The following TRPM5 variants were observed in gnomAD, a reference collection of about 807,000 sequenced individuals.
TRPM5 encodes the protein transient receptor potential cation channel subfamily M member 5, also known as MLSN1 and TRP-related.
TRPM5 carries 121 observed loss-of-function variants against 124.9 expected under a neutral mutation model. The observed-to-expected ratio is 0.97, with a 90% CI of 0.84 to 1.13. TRPM5 has a LOEUF of 1.13. Ranked by LOEUF, TRPM5 falls within the 50% of genes most tolerant of loss-of-function variation. TRPM5 has a pLI of 0.00. For synonymous variants in TRPM5, 781 were observed against 700.5 expected (o/e 1.11, Z -1.81); for missense variants, 1,643 against 1,589.1 (o/e 1.03, Z -0.58).
intron 2 of TRPM5, 38 bp from the exon 8 acceptor site, chr11:2,421,236 C>T (rs1285137919): frequency 1.3e-6 from 2 of 1,516,894 alleles, no homozygotes; most frequent in African/African-American, 2.8e-5. Context: ...TGCCGCACGC[C>T]CCAGGTCTTC....
At chr11:2,412,150 A>G (rs1850465960) in exon 16 of TRPM5, 21 of 1,613,274 alleles carry the variant, frequency 1.3e-5, no homozygotes, top group Non-Finnish European at 1.7e-5. Context: ...GGTGACACCC[A>G]CGATGAACAG....
chr11:2,423,144 T>A, upstream of TRPM5: 2 of 881,054 alleles, frequency 2.3e-6, no homozygotes, highest in Non-Finnish European at 3.5e-6. Flanking sequence ...GGGAAGCCCC[T>A]CTCCAGCCAA....
the TRPM5 span, among the ~76,000 whole-genome samples, chr11:2,430,658 AGT>A: frequency 9.3e-6 from 1 of 107,462 alleles, no homozygotes; most frequent in South Asian, 3.0e-4. Context: ...TGATGGTGAC[AGT>A]GTTGATGGTG....
Position 2,404,962 on chromosome 11 carries a change from GC to G in TRPM5, c.3472del (p.Ala1158LeufsTer84), listed in dbSNP as rs1418926593. 6.2e-7 allele frequency: 1 copy of G among 1,612,504 alleles called. No homozygotes were observed. The highest frequency in any genetic ancestry group is 1.7e-5 in the Admixed American group (1 of 60,014). ...TCAGGTGTCCGAGGGAGGCTGGCCA[GC>G]CCCGGGTTGTTCCCAGCCATCTAAA... On this transcript the variant is annotated frameshift_variant, in exon 24 of 24. Transcript: ENST00000155858. LOFTEE classifies it high-confidence loss of function.
chr11:2,420,008 C>T (rs1454678012), intron 4 of TRPM5, among the ~76,000 whole-genome samples: 1 of 152,206 alleles, frequency 6.6e-6, no homozygotes, highest in Non-Finnish European at 1.5e-5. Context: ...TCCAGCTGTG[C>T]CTCCTTCACC....
chr11:2,405,708 CCTCT>C (rs768809237), intron 22 of TRPM5, 115 bp from the exon 28 acceptor site: 4 of 1,158,332 alleles, frequency 3.5e-6, no homozygotes, highest in African/African-American at 1.5e-5. Context: ...GTGACTCCTC[CCTCT>C]GAGAGCTGCC....
chr11:2,426,931 C>T (rs1199709065), upstream of TRPM5, among the ~76,000 whole-genome samples: 1 of 152,188 alleles, frequency 6.6e-6, no homozygotes, highest in Non-Finnish European at 1.5e-5. Context: ...ACCTGGTGAC[C>T]CCAGACCCCT....
chr11:2,410,975 C>T (rs1365185721), intron 18 of TRPM5, among the ~76,000 whole-genome samples: 2 of 152,114 alleles, frequency 1.3e-5, no homozygotes, highest in Non-Finnish European at 2.9e-5. Flanking sequence ...GCCTTTGGGC[C>T]CACTCTGTGC....
At chr11:2,420,648 G>A (rs1255018870) in intron 3 of TRPM5, among the ~76,000 whole-genome samples, 1 of 152,206 alleles carries the variant, frequency 6.6e-6, no homozygotes, top group Non-Finnish European at 1.5e-5. Flanking sequence ...ACAGAACCAT[G>A]GAGACAGCCC....
At chr11:2,411,875 T>A (rs1850459763) in intron 16 of TRPM5, 108 bp from the exon 22 acceptor site, 6 of 1,389,616 alleles carry the variant, frequency 4.3e-6, no homozygotes, top group Non-Finnish European at 5.9e-6. Context: ...AGGCCAGGAC[T>A]CCTTGGGCCC....
In TRPM5 at chr11:2,404,615, G is replaced by A. The variant is rs1850275225; in HGVS notation, c.*322C>T. On this transcript the variant is annotated 3_prime_UTR_variant, in exon 24 of 24. Coordinates refer to ENST00000155858, the Ensembl canonical transcript of TRPM5. ...GCAGTCTGGATGGGGGTGCTCCCCC[G>A]TCACGCCACAGGGCCAGCTTTTCCA... The A allele has an allele frequency of 7.9e-5, 26 of 327,672 alleles. 1 individual carries two copies. In the South Asian group the frequency reaches 1.2e-3, roughly 15 times the overall value. 20.3% of individuals were successfully genotyped at this position (327,672 alleles called of 1,614,324 possible). A position where few individuals can be genotyped will look rare whatever the true frequency, so the allele number is the denominator to read the frequency against.
Position 2,411,839 on chromosome 11 carries a change from T to C in TRPM5, c.2475-72A>G, listed in dbSNP as rs1850458597. ...GAGGCTTCCCCAGGGGCACACAGCA[T>C]GCTGGCTGCGGGCAGGGCCAGGGCC... On this transcript the variant is annotated intron_variant, in intron 16 of 23. Coordinates refer to ENST00000155858, the Ensembl canonical transcript of TRPM5. 5 of 1,579,152 alleles carry C rather than the reference T, an allele frequency of 3.2e-6. No individual in the cohort carries two copies. In the South Asian group the frequency reaches 5.6e-5, roughly 18 times the overall value.
chr11:2,443,269 A>T, the TRPM5 span, among the ~76,000 whole-genome samples: 5 of 152,182 alleles, frequency 3.3e-5, no homozygotes, highest in Non-Finnish European at 5.9e-5. The surrounding 1 kb of genome is among the most constrained non-coding windows in gnomAD (Gnocchi z 5.0). Flanking sequence ...CAGTTGTCCA[A>T]ACGCTGCTTA....
At chr11:2,407,499 G>A (rs1589865654) in intron 19 of TRPM5, among the ~76,000 whole-genome samples, 199 bp from the exon 25 acceptor site, 1 of 152,184 alleles carries the variant, frequency 6.6e-6, no homozygotes, top group East Asian at 1.9e-4. Flanking sequence ...TCCTGGACAA[G>A]CCCAGAGTTC....
intron 18 of TRPM5, 66 bp from the exon 24 acceptor site, chr11:2,407,978 C>A: frequency 2.3e-5 from 37 of 1,576,322 alleles, no homozygotes; most frequent in Non-Finnish European, 3.2e-5. Flanking sequence ...TAGGCAAATG[C>A]CCCGAGATAG....
At chr11:2,420,270 G>T in exon 4 of TRPM5, 2 of 1,611,478 alleles carry the variant, frequency 1.2e-6, no homozygotes, top group Non-Finnish European at 1.7e-6. Flanking sequence ...AGCCTCAGCC[G>T]CAGCTCCGTC....
exon 6 of TRPM5, chr11:2,418,304 C>G: frequency 6.4e-7 from 1 of 1,572,348 alleles, no homozygotes; most frequent in South Asian, 1.2e-5. Context: ...GCGATGCCCC[C>G]CGAGCCTACC....
intron 18 of TRPM5, among the ~76,000 whole-genome samples, chr11:2,410,857 T>C (rs562415388): frequency 9.9e-5 from 15 of 152,080 alleles, no homozygotes; most frequent in African/African-American, 3.1e-4. Flanking sequence ...CAGGACGGCG[T>C]AGGGGCTCTG....
At chr11:2,405,299 C>T (rs1419057475) in intron 23 of TRPM5, among the ~76,000 whole-genome samples, 2 of 152,250 alleles carry the variant, frequency 1.3e-5, no homozygotes, top group African/African-American at 4.8e-5. Context: ...GGGCCCACGC[C>T]AGGCAGAGCC....
Sources: allele counts gnomAD v4.1 joint callset (sites outside exome capture counted in the v4.1 genomes callset), GRCh38; gene constraint gnomAD v4.1.1; non-coding constraint Gnocchi (gnomAD v3.1); transcripts MANE v1.5; gene names NCBI Gene and HGNC (gene_info 2026-07-23, HGNC 2026-07-21).